The following POLR1C variants were observed in gnomAD, a reference collection of about 807,000 sequenced individuals.
The protein encoded by POLR1C is RNA polymerase I and III subunit C.
POLR1C carries 42 observed loss-of-function variants against 38.3 expected under a neutral mutation model. The observed-to-expected ratio is 1.10, with a 90% CI of 0.86 to 1.42. The LOEUF (loss-of-function observed/expected upper bound fraction) is 1.42. Ranked by LOEUF, POLR1C falls within the 40% of genes most tolerant of loss-of-function variation. The pLI, the probability that POLR1C is intolerant of heterozygous loss-of-function variation, is 0.00. For synonymous variants in POLR1C, 163 were observed against 163.9 expected (o/e 0.99, Z 0.04); for missense variants, 507 against 450.5 (o/e 1.13, Z -1.14).
rs1248995986 is a variant in POLR1C at position 43,521,302 on chromosome 6, C to T, written c.*2C>T. ...CTAGATGCGGTTCAGATGGACTGAG[C>T]TTGGATGCTTCTGAGGCAAGCTGAA... is the stretch of plus-strand genomic sequence containing the variant. On this transcript the variant is annotated 3_prime_UTR_variant, in exon 9 of 9. Coordinates refer to ENST00000642195, the MANE Select transcript of POLR1C (RefSeq NM_203290.4). The T allele has an allele frequency of 1.9e-6, 3 of 1,612,144 alleles. No individual in the cohort carries two copies. The highest frequency in any genetic ancestry group is 2.5e-6 in the Non-Finnish European group (3 of 1,179,958).
Position 43,521,044 on chromosome 6 carries a change from TATCTGTGAGTATGAA to T in POLR1C, c.919_922+11del. 6.2e-7 allele frequency: 1 copy of T among 1,612,220 alleles called. No individual in the cohort carries two copies. The highest frequency in any genetic ancestry group is 8.5e-7 in the Non-Finnish European group (1 of 1,178,216). On this transcript the variant is annotated splice_donor_variant and splice_donor_5th_base_variant and coding_sequence_variant and intron_variant, in exon 8 of 9. Transcript: ENST00000642195. LOFTEE classifies it high-confidence loss of function. ...GGCTTGCCCGGGTTCGAGATCATTATATCTGTGAGTATGAAGTGGTGAGATGAGTGGGCAGTGCTC... is the reference window on the plus strand; with the variant it reads ...GGCTTGCCCGGGTTCGAGATCATTATGTGGTGAGATGAGTGGGCAGTGCTC...
At chr6:43,549,772 T>C (rs1795140405) in intron 9 of POLR1C, 1 of 1,217,254 alleles carries the variant, frequency 8.2e-7, no homozygotes. Flanking sequence ...AAACAACATA[T>C]ATGATAATCT....
At chr6:43,526,070 T>TA (rs1454507310), downstream of POLR1C, 5 of 729,670 alleles carry the variant, frequency 6.9e-6, no homozygotes, top group African/African-American at 1.8e-5. Flanking sequence ...CACCTCCACA[T>TA]AATGCCCATG....
chr6:43,556,415 C>T (rs1333659397), intron 10 of POLR1C, among the ~76,000 whole-genome samples: 1 of 150,838 alleles, frequency 6.6e-6, no homozygotes, highest in Non-Finnish European at 1.5e-5. Context: ...GTCCCAGTAA[C>T]TTGGGAGAGT....
At chr6:43,543,705 C>A (rs1794821547) in intron 9 of POLR1C, among the ~76,000 whole-genome samples, 1 of 151,608 alleles carries the variant, frequency 6.6e-6, no homozygotes, top group African/African-American at 2.4e-5. Context: ...CGGAGTCTTC[C>A]CTGTTGCCCA....
At chr6:43,530,839 AAAAG>A, downstream of POLR1C, 1 of 1,601,562 alleles carries the variant, frequency 6.2e-7, no homozygotes, top group Non-Finnish European at 8.5e-7. Flanking sequence ...AAAGGGGAAA[AAAAG>A]AGCATTGAAA....
chr6:43,528,013 A>G (rs1793709631), intron 8 of POLR1C: 1 of 842,284 alleles, frequency 1.2e-6, no homozygotes, highest in Non-Finnish European at 1.9e-6. Context: ...GCCTGTCCAG[A>G]CAAGCCATGT....
intron 9 of POLR1C, among the ~76,000 whole-genome samples, chr6:43,540,188 A>T (rs1794615698): frequency 6.6e-6 from 1 of 152,190 alleles, no homozygotes; most frequent in African/African-American, 2.4e-5. Flanking sequence ...TCAGGAGTTC[A>T]AGACCAGGCT....
chr6:43,560,857 C>T (rs943620300), intron 10 of POLR1C: 5 of 1,259,456 alleles, frequency 4.0e-6, no homozygotes, highest in Non-Finnish European at 5.8e-6. Context: ...AATAATATTT[C>T]AGGACACAGT....
chr6:43,553,580 CAG>C (rs1010186370), intron 10 of POLR1C: 6 of 1,499,978 alleles, frequency 4.0e-6, no homozygotes, highest in Middle Eastern at 1.7e-4. Context: ...GCAGAAGACA[CAG>C]AGAGACAATG....
downstream of POLR1C, chr6:43,522,712 C>T (rs1278427706): frequency 2.0e-6 from 1 of 502,002 alleles, no homozygotes; most frequent in Non-Finnish European, 4.2e-6. Context: ...CGGGGAAACC[C>T]TCTTGTCAGT....
At chr6:43,528,036 G>A (rs761624776) in intron 8 of POLR1C, 2 of 1,029,952 alleles carry the variant, frequency 1.9e-6, no homozygotes, top group South Asian at 1.5e-5. Context: ...CACCTAGGCT[G>A]AGAATGACTA....
chr6:43,530,136 A>T (rs1210800139), downstream of POLR1C, among the ~76,000 whole-genome samples: 3 of 152,148 alleles, frequency 2.0e-5, no homozygotes, highest in African/African-American at 7.2e-5. Context: ...ATGCGCCTGT[A>T]ATCCCAGCTA....
intron 9 of POLR1C, among the ~76,000 whole-genome samples, chr6:43,537,281 T>C (rs1330369730): frequency 2.0e-5 from 3 of 152,146 alleles, no homozygotes; most frequent in Non-Finnish European, 4.4e-5. Context: ...CATCTTTTTC[T>C]AACTTTCATT....
At position 43,520,412 on chromosome 6, in the gene POLR1C, T is replaced by C. The variant is rs1453921181; in HGVS notation, c.640T>C (p.Cys214Arg). 6.2e-7 allele frequency: 1 copy of C among 1,613,676 alleles called. No homozygotes were observed. The highest frequency in any genetic ancestry group is 1.7e-5 in the Admixed American group (1 of 60,032). ...PGQEIDLLMH[C>R]VKGIGKDHAK... ...CCAAGAAATTGACCTGCTCATGCAC[T>C]GTGTCAAGGGCATTGGTGAGAACCC... Residue 214 changes from cysteine to arginine, a missense_variant, in exon 6 of 9, where the codon TGT becomes CGT. By Grantham distance (180) the Cys-to-Arg change is radical. Coordinates refer to ENST00000642195, the MANE Select transcript of POLR1C (RefSeq NM_203290.4).
At chr6:43,538,898 A>G (rs959549123) in intron 9 of POLR1C, 15 of 1,239,488 alleles carry the variant, frequency 1.2e-5, no homozygotes, top group Admixed American at 5.3e-5. Flanking sequence ...GTGGTCAGTG[A>G]ATTCCTGATA....
chr6:43,556,710 T>C (rs1424020296), intron 10 of POLR1C, among the ~76,000 whole-genome samples: 1 of 152,012 alleles, frequency 6.6e-6, no homozygotes, highest in African/African-American at 2.4e-5. Context: ...AAACAAAACC[T>C]TGTATATAAA....
At position 43,558,493 on chromosome 6, in the gene POLR1C, T is replaced by G. The variant is rs192357257; in HGVS notation, c.*49-2907T>G. The G allele has an allele frequency of 2.7e-5, 43 of 1,591,594 alleles. No individual in the cohort carries two copies. In the East Asian group the frequency reaches 8.6e-4, roughly 32 times the overall value. The stretch of plus-strand genomic sequence containing the variant: ...TGTTGAGAGAAATCCAAGGCCAACA[T>G]CACTTACAGTTGAAGAAAGCATTGA... On this transcript the variant is annotated intron_variant, in intron 10 of 10. Coordinates refer to the POLR1C transcript ENST00000607635.
At chr6:43,552,375 C>T (rs556047884) in intron 10 of POLR1C, among the ~76,000 whole-genome samples, 2 of 151,578 alleles carry the variant, frequency 1.3e-5, no homozygotes, top group South Asian at 4.2e-4. Context: ...TTTTTTAAGA[C>T]AGAATCCCAC....
Sources: gnomAD v4.1 joint callset for allele counts (sites outside exome capture counted in the v4.1 genomes callset) on GRCh38, gnomAD v4.1.1 for gene constraint, MANE v1.5 for transcripts, NCBI Gene and HGNC (gene_info 2026-07-23, HGNC 2026-07-21) for gene names.